CNTNAP2: variants seen among roughly 807,000 people sequenced by gnomAD.
CNTNAP2 encodes the protein contactin-associated protein-like 2.
CNTNAP2 carries 98 observed loss-of-function variants against 155.2 expected under a neutral mutation model. The observed-to-expected ratio is 0.63, with a 90% CI of 0.54 to 0.75. The LOEUF is 0.75. CNTNAP2 is among the 30% of genes least tolerant of loss of function. The probability of loss-of-function intolerance (pLI) is 0.00; values close to 1 mark genes in which losing one functional copy is unlikely to be tolerated. For synonymous variants in CNTNAP2, 651 were observed against 631.2 expected (o/e 1.03, Z -0.47); for missense variants, 1,727 against 1,688.1 (o/e 1.02, Z -0.40).
intron 13 of CNTNAP2, among the ~76,000 whole-genome samples, chr7:147,677,364 G>C (rs1376616467): frequency 6.6e-6 from 1 of 151,630 alleles, no homozygotes; most frequent in African/African-American, 2.4e-5. Flanking sequence ...GTTATTCTTT[G>C]TTTGTTCTGC....
intron 3 of CNTNAP2, among the ~76,000 whole-genome samples, chr7:146,965,364 T>C (rs1007192772): frequency 6.6e-5 from 10 of 151,866 alleles, no homozygotes; most frequent in Non-Finnish European, 1.3e-4. Flanking sequence ...TAGAGGAGGA[T>C]GCTAGGAACC....
chr7:146,692,481 C>A (rs1800714770), intron 1 of CNTNAP2, among the ~76,000 whole-genome samples: 1 of 152,024 alleles, frequency 6.6e-6, no homozygotes, highest in South Asian at 2.1e-4. Context: ...ACACAATTAG[C>A]AAACTGAAGA....
chr7:146,713,537 C>A (rs1801134769), intron 1 of CNTNAP2, among the ~76,000 whole-genome samples: 1 of 152,098 alleles, frequency 6.6e-6, no homozygotes, highest in African/African-American at 2.4e-5. Flanking sequence ...TTCTCTCCTG[C>A]CCAACCACCT....
At chr7:148,086,227 T>C (rs1803727271) in intron 15 of CNTNAP2, among the ~76,000 whole-genome samples, 1 of 152,192 alleles carries the variant, frequency 6.6e-6, no homozygotes. Context: ...TAGAAAGACC[T>C]CTTTTGCTTT....
chr7:148,035,814 G>C (rs531545650), intron 15 of CNTNAP2, among the ~76,000 whole-genome samples: 1 of 152,202 alleles, frequency 6.6e-6, no homozygotes, highest in Non-Finnish European at 1.5e-5. Context: ...ACCCATGAGA[G>C]CTCCTATGTG....
chr7:146,998,105 G>T (rs760156380), intron 3 of CNTNAP2, among the ~76,000 whole-genome samples: 9 of 150,024 alleles, frequency 6.0e-5, no homozygotes, highest in Non-Finnish European at 1.3e-4. Flanking sequence ...TTTTTCTTTA[G>T]TAGTTCTTTG....
At chr7:147,038,130 T>C (rs900737332) in intron 3 of CNTNAP2, among the ~76,000 whole-genome samples, 1 of 152,118 alleles carries the variant, frequency 6.6e-6, no homozygotes, top group African/African-American at 2.4e-5. Context: ...TACTCTAGCC[T>C]GGGTGATAGA....
At chr7:147,274,961 T>C (rs1332654521) in intron 8 of CNTNAP2, among the ~76,000 whole-genome samples, 1 of 152,092 alleles carries the variant, frequency 6.6e-6, no homozygotes, top group African/African-American at 2.4e-5. Context: ...GTTGATTTTG[T>C]CACAGATCTC....
chr7:148,232,505 A>C (rs763209701), intron 20 of CNTNAP2, among the ~76,000 whole-genome samples: 22 of 152,228 alleles, frequency 1.4e-4, no homozygotes, highest in Non-Finnish European at 2.4e-4. Flanking sequence ...ATTTTCTATT[A>C]TAAGCACATG....
intron 3 of CNTNAP2, among the ~76,000 whole-genome samples, chr7:146,865,530 C>A (rs1242260239): frequency 6.6e-6 from 1 of 151,900 alleles, no homozygotes; most frequent in East Asian, 1.9e-4. Context: ...ATAAAGCCAC[C>A]AATATGATTA....
intron 8 of CNTNAP2, among the ~76,000 whole-genome samples, chr7:147,283,252 T>C (rs189395135): frequency 1.7e-3 from 256 of 152,058 alleles, no homozygotes; most frequent in African/African-American, 5.8e-3. Flanking sequence ...TGCCCTGATT[T>C]ATTATTTTAT....
At chr7:148,353,437 C>CTGCAGGGA (rs1798462323) in intron 21 of CNTNAP2, among the ~76,000 whole-genome samples, 1 of 152,202 alleles carries the variant, frequency 6.6e-6, no homozygotes, top group African/African-American at 2.4e-5. Context: ...CCTTTTGTCT[C>CTGCAGGGA]TGCAGGGATC....
chr7:148,140,679 C>T (rs1805047696), intron 16 of CNTNAP2, among the ~76,000 whole-genome samples: 1 of 152,156 alleles, frequency 6.6e-6, no homozygotes, highest in Non-Finnish European at 1.5e-5. Flanking sequence ...GCCTCAGCAT[C>T]CCAAAGTGCT....
intron 15 of CNTNAP2, among the ~76,000 whole-genome samples, chr7:148,072,740 C>T (rs1255004205): frequency 6.6e-6 from 1 of 152,194 alleles, no homozygotes; most frequent in Non-Finnish European, 1.5e-5. Context: ...CAGCATCTCA[C>T]TCTGTAGCCC....
chr7:147,913,125 A>G (rs556259137), intron 14 of CNTNAP2, among the ~76,000 whole-genome samples: 1 of 152,366 alleles, frequency 6.6e-6, no homozygotes, highest in East Asian at 1.9e-4. Flanking sequence ...TGGGAGAAAA[A>G]GCCAAGACAA....
intron 11 of CNTNAP2, among the ~76,000 whole-genome samples, chr7:147,546,631 T>C (rs1164404047): frequency 6.6e-6 from 1 of 152,216 alleles, no homozygotes; most frequent in Non-Finnish European, 1.5e-5. Flanking sequence ...AAATACTCAA[T>C]ATGATTTGTG....
intron 10 of CNTNAP2, among the ~76,000 whole-genome samples, chr7:147,398,733 G>C (rs1796864602): frequency 6.9e-6 from 1 of 144,374 alleles, no homozygotes; most frequent in South Asian, 2.3e-4. Flanking sequence ...TTTATTTTCT[G>C]AGTGCATACT....
intron 14 of CNTNAP2, among the ~76,000 whole-genome samples, chr7:147,941,635 C>T (rs1162323897): frequency 6.6e-6 from 1 of 152,134 alleles, no homozygotes; most frequent in African/African-American, 2.4e-5. Flanking sequence ...CGCTCAATTG[C>T]CAGGTTTGCT....
intron 1 of CNTNAP2, among the ~76,000 whole-genome samples, chr7:146,758,069 A>G (rs1041657912): frequency 1.3e-5 from 2 of 152,150 alleles, no homozygotes; most frequent in Non-Finnish European, 2.9e-5. Flanking sequence ...TAATATCTCC[A>G]TTCAGAAATC....
Sources: allele counts gnomAD v4.1 joint callset (sites outside exome capture counted in the v4.1 genomes callset), GRCh38; gene constraint gnomAD v4.1.1; transcripts MANE v1.5; gene names NCBI Gene and HGNC (gene_info 2026-07-23, HGNC 2026-07-21).